The following MLLT1 variants were observed in gnomAD, a reference collection of about 807,000 sequenced individuals.
The protein encoded by MLLT1 is protein ENL.
MLLT1 carries 11 observed loss-of-function variants against 55.1 expected under a neutral mutation model. The ratio of observed to expected loss-of-function variants is 0.20; its 90% CI spans 0.13 to 0.33. MLLT1 has a LOEUF of 0.33. Among genes scored for constraint, MLLT1 ranks in the 10% least tolerant of loss-of-function variants. The pLI, the probability that MLLT1 is intolerant of heterozygous loss-of-function variation, is 1.00. For synonymous variants in MLLT1, 323 were observed against 320.1 expected, an observed-to-expected ratio of 1.01 and a Z score of -0.10; for missense variants, 536 against 760.6, an observed-to-expected ratio of 0.70 and a Z score of 3.47.
chr19:6,212,423 C>T lies in MLLT1; in HGVS notation c.*619G>A, dbSNP rs947713386. On this transcript the variant is annotated 3_prime_UTR_variant, in exon 12 of 12. Coordinates refer to ENST00000252674, the MANE Select transcript of MLLT1 (RefSeq NM_005934.4). Reference sequence around the variant, plus strand: ...CCACCGTACGCACCCCCCACCCACCCCACGTGCACTGCTGCCACAGAAACG... The same window carrying T: ...CCACCGTACGCACCCCCCACCCACCTCACGTGCACTGCTGCCACAGAAACG... The T allele has an allele frequency of 7.5e-5, 80 of 1,066,326 alleles. No individual in the cohort carries two copies. The highest frequency in any genetic ancestry group is 1.6e-4 in the Admixed American group (3 of 18,774). The allele number at this position is 1,066,326 out of a possible 1,614,324, so 66.1% of individuals were successfully genotyped here.
chr19:6,222,994 C>G lies in MLLT1; in HGVS notation c.547-310G>C, dbSNP rs2090918150. Among the ~76,000 whole-genome samples the G allele has an allele frequency of 6.6e-6, 1 of 152,202 alleles. No individual in the cohort carries two copies. Among genetic ancestry groups the G allele is most frequent in the South Asian group, 2.1e-4 (1 of 4,836 alleles). ...GGGTGAGTCAGGCAGAGCATGGCCACTTCGCCCGCACCCGCCCGCCCTAAC... is the reference window on the plus strand; with the variant it reads ...GGGTGAGTCAGGCAGAGCATGGCCAGTTCGCCCGCACCCGCCCGCCCTAAC... On this transcript the variant is annotated intron_variant, in intron 5 of 11. Transcript: ENST00000252674. The surrounding 1 kb of genome is among the most constrained non-coding windows in gnomAD (Gnocchi z 4.1).
At chr19:6,241,431 G>T (rs1046110131) in intron 3 of MLLT1, among the ~76,000 whole-genome samples, 3 of 152,228 alleles carry the variant, frequency 2.0e-5, no homozygotes, top group Admixed American at 6.5e-5. Context: ...CGGAAAGATG[G>T]CCTCAGAGAA....
chr19:6,229,525 A>G lies in MLLT1; in HGVS notation c.420+1045T>C, dbSNP rs968873468. ...ATACCCCACACGTCATACATGCCAC[A>G]TACACACCTGACACATTCACATACT... On this transcript the variant is annotated intron_variant, in intron 4 of 11. Coordinates refer to ENST00000252674, the MANE Select transcript of MLLT1 (RefSeq NM_005934.4). This position sits in a 1 kb window ranked among gnomAD's most constrained non-coding sequence, Gnocchi z 5.2. Among the ~76,000 whole-genome samples, 3 of 151,208 alleles carry G rather than the reference A, an allele frequency of 2.0e-5. No homozygotes were observed. The highest frequency in any genetic ancestry group is 4.4e-5 in the Non-Finnish European group (3 of 67,798).
chr19:6,236,623 C>T (rs2091063561), intron 3 of MLLT1, among the ~76,000 whole-genome samples: 1 of 152,116 alleles, frequency 6.6e-6, no homozygotes, highest in African/African-American at 2.4e-5. Context: ...CTGCTGGAAG[C>T]GGCCAGTGAG....
At chr19:6,220,605 C>T (rs149450899) in intron 6 of MLLT1, among the ~76,000 whole-genome samples, 1 of 152,376 alleles carries the variant, frequency 6.6e-6, no homozygotes, top group Non-Finnish European at 1.5e-5. Context: ...GCCGGGTGAG[C>T]AGAGCGGAGT....
chr19:6,265,038 CAAA>C (rs928827048), intron 2 of MLLT1, among the ~76,000 whole-genome samples: 10 of 21,210 alleles, frequency 4.7e-4, no homozygotes, highest in South Asian at 2.9e-3. Flanking sequence ...TAGTGAACAG[CAAA>C]AAAAAAACAA....
chr19:6,257,238 C>T (rs755426617), intron 3 of MLLT1, among the ~76,000 whole-genome samples: 6 of 152,026 alleles, frequency 3.9e-5, no homozygotes, highest in Non-Finnish European at 5.9e-5. Flanking sequence ...CTGGGTGCGG[C>T]AGCTCACGCC....
rs549960134 is a variant in MLLT1, at chr19:6,230,455, C to T, written c.420+115G>A. 76 of 1,308,932 alleles carry T rather than the reference C, an allele frequency of 5.8e-5. No individual in the cohort carries two copies. The highest frequency in any genetic ancestry group is 5.0e-4 in the African/African-American group (34 of 67,982). 81.1% of individuals were successfully genotyped at this position (1,308,932 alleles called of 1,614,324 possible). ...AGCTCTGCTGGGTGCTGCCGTGTGACCTGCGCCTTGGGTCTCGGCCCCCAG... is the reference window on the plus strand; with the variant it reads ...AGCTCTGCTGGGTGCTGCCGTGTGATCTGCGCCTTGGGTCTCGGCCCCCAG... On this transcript the variant is annotated intron_variant, in intron 4 of 11. Transcript: ENST00000252674. This position sits in a 1 kb window ranked among gnomAD's most constrained non-coding sequence, Gnocchi z 9.0.
In MLLT1 at chr19:6,211,361, G is replaced by A. The variant is rs958767198; in HGVS notation, c.*1681C>T. 6 of 233,710 alleles carry A rather than the reference G, an allele frequency of 2.6e-5. No individual in the cohort carries two copies. The highest frequency in any genetic ancestry group is 1.8e-4 in the South Asian group (1 of 5,542). 14.5% of individuals were successfully genotyped at this position (233,710 alleles called of 1,614,324 possible). ...GCGAGGAGTCCCGGAGGCTTCCTCC[G>A]AAGGTTCTCGGGCCTTTCCCCGAGA... On this transcript the variant is annotated 3_prime_UTR_variant, in exon 12 of 12. Coordinates refer to ENST00000252674, the MANE Select transcript of MLLT1 (RefSeq NM_005934.4). This position sits in a 1 kb window ranked among gnomAD's most constrained non-coding sequence, Gnocchi z 4.6.
intron 3 of MLLT1, chr19:6,259,596 C>T (rs946499790): frequency 1.4e-4 from 22 of 152,182 alleles, no homozygotes; most frequent in African/African-American, 5.1e-4. Flanking sequence ...CACTGGTACT[C>T]CCGGTGTAGG....
intron 3 of MLLT1, among the ~76,000 whole-genome samples, chr19:6,246,160 G>A (rs1241710165): frequency 6.7e-6 from 1 of 149,902 alleles, no homozygotes; most frequent in Non-Finnish European, 1.5e-5. Flanking sequence ...GCGAAGATTT[G>A]GAGCAACGGG....
At chr19:6,213,231 C>T in intron 11 of MLLT1, 61 bp from the exon 12 acceptor site, 6 of 1,611,500 alleles carry the variant, frequency 3.7e-6, no homozygotes, top group Non-Finnish European at 5.1e-6. Flanking sequence ...TGCCCTGTTC[C>T]CTAACAGAGG....
intron 3 of MLLT1, among the ~76,000 whole-genome samples, chr19:6,244,988 G>C (rs967647850): frequency 2.6e-5 from 4 of 152,110 alleles, no homozygotes; most frequent in Non-Finnish European, 5.9e-5. Flanking sequence ...ACCCGGCTGG[G>C]GGGGAATGTA....
At position 6,211,675 on chromosome 19, in the gene MLLT1, A is replaced by G. The variant is rs1351153050; in HGVS notation, c.*1367T>C. The G allele has an allele frequency of 9.4e-7, 1 of 1,064,294 alleles. No homozygotes were observed. Among genetic ancestry groups the G allele is most frequent in the African/African-American group, 1.6e-5 (1 of 60,992 alleles). 65.9% of individuals were successfully genotyped at this position (1,064,294 alleles called of 1,614,324 possible). A position where few individuals can be genotyped will look rare whatever the true frequency, so the allele number is the denominator to read the frequency against. ...AAAGGACTTGAAAGTCAGGGGGTTG[A>G]GAGGACTGGAGGCGCCTCGAGTCAA... On this transcript the variant is annotated 3_prime_UTR_variant, in exon 12 of 12. Transcript: ENST00000252674. This position sits in a 1 kb window ranked among gnomAD's most constrained non-coding sequence, Gnocchi z 4.6.
At chr19:6,214,852 C>T (rs1169712118) in intron 8 of MLLT1, among the ~76,000 whole-genome samples, 2 of 152,214 alleles carry the variant, frequency 1.3e-5, no homozygotes, top group African/African-American at 4.8e-5. Context: ...CACCGGACTT[C>T]CCGGTGGGCA....
rs975095707 is a variant in MLLT1 at position 6,230,094 on chromosome 19, G to A, written c.420+476C>T. 3.9e-5 allele frequency among the ~76,000 whole-genome samples: 6 copies of A among 152,060 alleles called. No individual in the cohort carries two copies. The highest frequency in any genetic ancestry group is 7.4e-5 in the Non-Finnish European group (5 of 68,000). ...GGAACTCTGAGCCCCCACAGGGTCC[G>A]GAGGGCTCGACTCCAGCCACCGCAT... On this transcript the variant is annotated intron_variant, in intron 4 of 11. Transcript: ENST00000252674. This position sits in a 1 kb window ranked among gnomAD's most constrained non-coding sequence, Gnocchi z 9.0.
In MLLT1 at chr19:6,279,812, C is replaced by A; in HGVS notation, c.-28G>T. On this transcript the variant is annotated 5_prime_UTR_variant, in exon 1 of 12. Coordinates refer to ENST00000252674, the MANE Select transcript of MLLT1 (RefSeq NM_005934.4). ...CTGGCGCCCCGCCCCGCCCCCGGGC[C>A]CCGCGTCGCTCGCCGCCGCCGCCGC... is the stretch of plus-strand genomic sequence containing the variant. 1 of 152,934 alleles carries A rather than the reference C, an allele frequency of 6.5e-6. No homozygotes were observed. Among genetic ancestry groups the A allele is most frequent in the South Asian group, 1.7e-4 (1 of 5,718 alleles). The allele number at this position is 152,934 out of a possible 1,614,324, so 9.5% of individuals were successfully genotyped here.
chr19:6,221,001 C>T (rs1177950059), intron 6 of MLLT1, among the ~76,000 whole-genome samples: 2 of 152,336 alleles, frequency 1.3e-5, no homozygotes, highest in East Asian at 3.9e-4. Context: ...GTCTATGAGC[C>T]AGGATGCACT....
chr19:6,213,507 G>T (rs766678341), intron 10 of MLLT1, 99 bp from the exon 11 acceptor site: 6 of 1,169,168 alleles, frequency 5.1e-6, no homozygotes, highest in African/African-American at 3.0e-5. Context: ...CCCAGCACAG[G>T]ACAGAGGTAG....
Sources: allele counts gnomAD v4.1 joint callset (sites outside exome capture counted in the v4.1 genomes callset), GRCh38; gene constraint gnomAD v4.1.1; non-coding constraint Gnocchi (gnomAD v3.1); transcripts MANE v1.5; gene names NCBI Gene and HGNC (gene_info 2026-07-23, HGNC 2026-07-21).